The following CDK8 variants were observed in gnomAD, a reference collection of about 807,000 sequenced individuals.
CDK8 encodes the protein cyclin-dependent kinase 8.
Under a neutral mutation model 71.5 loss-of-function variants are expected in CDK8, and 29 were observed. That is an observed-to-expected ratio of 0.41 (90% CI 0.30 to 0.55). The LOEUF (loss-of-function observed/expected upper bound fraction) is 0.55. Ranked by LOEUF, CDK8 falls within the 20% of genes least tolerant of loss-of-function variation. CDK8 has a pLI of 0.37. For missense variants in CDK8, 288 were observed against 572.6 expected, an observed-to-expected ratio of 0.50 and a Z score of 5.07; for synonymous variants, 161 against 192.1, an observed-to-expected ratio of 0.84 and a Z score of 1.34.
intron 1 of CDK8, among the ~76,000 whole-genome samples, chr13:26,299,539 T>A (rs1873725215): frequency 6.6e-6 from 1 of 152,214 alleles, no homozygotes; most frequent in East Asian, 1.9e-4. Flanking sequence ...ATATGCAGTA[T>A]GTGACTGTAT....
At chr13:26,396,786 A>G (rs532036959) in intron 8 of CDK8, among the ~76,000 whole-genome samples, 2 of 152,254 alleles carry the variant, frequency 1.3e-5, no homozygotes, top group East Asian at 3.9e-4. Context: ...AGGGATTGGG[A>G]GAGTTTAGTT....
At chr13:26,294,242 C>T (rs915792996) in intron 1 of CDK8, among the ~76,000 whole-genome samples, 4 of 152,046 alleles carry the variant, frequency 2.6e-5, no homozygotes, top group South Asian at 2.1e-4. Context: ...AGCAGTCTCC[C>T]GCCTCAGCCT....
intron 4 of CDK8, among the ~76,000 whole-genome samples, chr13:26,378,388 A>G (rs1271890014): frequency 2.6e-5 from 4 of 152,202 alleles, no homozygotes; most frequent in African/African-American, 4.8e-5. Context: ...TGCAATACAA[A>G]CATCTGCTTT....
intron 1 of CDK8, among the ~76,000 whole-genome samples, chr13:26,275,446 G>C (rs1593232374): frequency 1.3e-5 from 2 of 152,126 alleles, no homozygotes; most frequent in Admixed American, 1.3e-4. Flanking sequence ...TTTTCATATG[G>C]GTCCTACATA....
Position 26,254,815 on chromosome 13 carries a change from C to A in CDK8, c.128+46C>A. 6.3e-7 allele frequency: 1 copy of A among 1,597,538 alleles called. No homozygotes were observed. Among genetic ancestry groups the A allele is most frequent in the Non-Finnish European group, 8.5e-7 (1 of 1,170,600 alleles). ...CGGTGTCCGCGCTGGGCGGCGCTCC[C>A]GCAGGCCGAGGCAGGTAGCCCGGAG... On this transcript the variant is annotated intron_variant, in intron 1 of 12. Coordinates refer to ENST00000381527, the MANE Select transcript of CDK8 (RefSeq NM_001260.3). The surrounding 1 kb of genome is among the most constrained non-coding windows in gnomAD (Gnocchi z 6.7).
chr13:26,266,177 T>C (rs1340615890), intron 1 of CDK8, among the ~76,000 whole-genome samples: 1 of 152,186 alleles, frequency 6.6e-6, no homozygotes, highest in African/African-American at 2.4e-5. Flanking sequence ...TGAGCTTTGA[T>C]ATGTTGACTT....
At chr13:26,397,041 A>G in intron 8 of CDK8, 112 bp from the exon 9 acceptor site, 1 of 674,696 alleles carries the variant, frequency 1.5e-6, no homozygotes, top group Non-Finnish European at 2.6e-6. Context: ...TAGTGTTTTC[A>G]ATATATATTT....
Position 26,254,444 on chromosome 13 carries a change from GC to G in CDK8, c.-194del. 4.4e-6 allele frequency: 2 copies of G among 454,770 alleles called. No individual in the cohort carries two copies. The highest frequency in any genetic ancestry group is 7.9e-6 in the Non-Finnish European group (2 of 253,582). 28.2% of individuals were successfully genotyped at this position (454,770 alleles called of 1,614,324 possible). On this transcript the variant is annotated 5_prime_UTR_variant, in exon 1 of 13. Transcript: ENST00000381527. The surrounding 1 kb of genome is among the most constrained non-coding windows in gnomAD (Gnocchi z 6.7). ...GTTCCTCCACCCCCGGCCGGCCTCT[GC>G]CCCGCCGTCCCCCTGGATGTCCCTG...
intron 12 of CDK8, among the ~76,000 whole-genome samples, chr13:26,403,314 A>G (rs1020690549): frequency 7.2e-5 from 11 of 152,108 alleles, no homozygotes; most frequent in African/African-American, 2.7e-4. Context: ...TTTGAAATCA[A>G]CCTGGGCAAC....
At chr13:26,403,467 A>T (rs889653389) in intron 12 of CDK8, among the ~76,000 whole-genome samples, 9 of 152,148 alleles carry the variant, frequency 5.9e-5, no homozygotes, top group Non-Finnish European at 1.2e-4. Context: ...GAAAAAAAAA[A>T]TAGTTTAAAG....
intron 1 of CDK8, among the ~76,000 whole-genome samples, chr13:26,306,575 CA>C (rs1874051301): frequency 6.6e-6 from 1 of 150,510 alleles, no homozygotes; most frequent in Non-Finnish European, 1.5e-5. Context: ...GAAGCAAGGC[CA>C]AGGCCTTGAT....
chr13:26,256,099 A>G (rs979757803), intron 1 of CDK8, among the ~76,000 whole-genome samples: 1 of 152,222 alleles, frequency 6.6e-6, no homozygotes, highest in African/African-American at 2.4e-5. Context: ...ATGCAACAGT[A>G]AAGTGGAACA....
At chr13:26,283,563 G>A (rs1251707206) in intron 1 of CDK8, among the ~76,000 whole-genome samples, 4 of 149,758 alleles carry the variant, frequency 2.7e-5, no homozygotes, top group Non-Finnish European at 4.5e-5. Context: ...AGCCAAGATC[G>A]TGCCACTGCA....
chr13:26,274,920 C>T (rs2137876818), intron 1 of CDK8, among the ~76,000 whole-genome samples: 1 of 151,992 alleles, frequency 6.6e-6, no homozygotes, highest in African/African-American at 2.4e-5. Flanking sequence ...ACATTTTCAC[C>T]TAATGTTTTT....
In CDK8 at chr13:26,401,988, T is replaced by C. The variant is rs17084032; in HGVS notation, c.1269+364T>C. Among the ~76,000 whole-genome samples, 2,037 of 152,330 alleles carry C rather than the reference T, an allele frequency of 0.013. 46 individuals are homozygous for C. Among genetic ancestry groups the C allele is most frequent in the African/African-American group, 0.045 (1,862 of 41,572 alleles). On this transcript the variant is annotated intron_variant, in intron 12 of 12. Transcript: ENST00000381527. This position sits in a 1 kb window ranked among gnomAD's most constrained non-coding sequence, Gnocchi z 4.5. Reference sequence around the variant, plus strand: ...TGACACCTAGCTTATGGTAGGAGCTTGATAGCTATTGTTTTGGAACAATGT... The same window carrying C: ...TGACACCTAGCTTATGGTAGGAGCTCGATAGCTATTGTTTTGGAACAATGT...
intron 1 of CDK8, among the ~76,000 whole-genome samples, chr13:26,303,571 C>T (rs1487891013): frequency 1.3e-5 from 2 of 152,100 alleles, no homozygotes; most frequent in Non-Finnish European, 2.9e-5. Context: ...CCTAGAAATA[C>T]ATTTCTTAAT....
intron 1 of CDK8, among the ~76,000 whole-genome samples, chr13:26,272,430 C>G (rs9507695): frequency 8.7e-4 from 133 of 152,134 alleles, no homozygotes; most frequent in African/African-American, 3.1e-3. Flanking sequence ...ATCTTGTCCC[C>G]CTGGAAGGTC....
At chr13:26,318,046 GA>G (rs895874375) in intron 1 of CDK8, among the ~76,000 whole-genome samples, 38 of 144,200 alleles carry the variant, frequency 2.6e-4, no homozygotes, top group African/African-American at 8.9e-4. Flanking sequence ...GGTGGACTAA[GA>G]AAAAAAAAAG....
intron 1 of CDK8, among the ~76,000 whole-genome samples, chr13:26,263,401 T>G (rs2137857153): frequency 6.6e-6 from 1 of 152,224 alleles, no homozygotes; most frequent in South Asian, 2.1e-4. Context: ...TCCCAAGTGC[T>G]GGGATTACAG....
Sources: allele counts gnomAD v4.1 joint callset (sites outside exome capture counted in the v4.1 genomes callset), GRCh38; gene constraint gnomAD v4.1.1; non-coding constraint Gnocchi (gnomAD v3.1); transcripts MANE v1.5; gene names NCBI Gene and HGNC (gene_info 2026-07-23, HGNC 2026-07-21).